The following C21orf58 variants were observed in gnomAD, a reference collection of about 807,000 sequenced individuals.
C21orf58 encodes chromosome 21 open reading frame 58.
In C21orf58, 34 loss-of-function variants were observed where a neutral mutation model predicts 35.8. The observed-to-expected ratio is 0.95, with a 90% confidence interval of 0.72 to 1.26. C21orf58 has a LOEUF of 1.26. C21orf58 is among the 50% of genes most tolerant of loss of function. The pLI is 0.00. For missense variants in C21orf58, 440 were observed against 414.3 expected (o/e 1.06, Z -0.54); for synonymous variants, 191 against 175.8 (o/e 1.09, Z -0.68).
chr21:46,312,508 G>A (rs112739588), intron 5 of C21orf58, among the ~76,000 whole-genome samples: 8,013 of 151,906 alleles, frequency 0.053, 269 homozygotes, highest in Non-Finnish European at 0.067. Context: ...TAGTATAGAC[G>A]GGGTTTCACC....
intron 6 of C21orf58, among the ~76,000 whole-genome samples, chr21:46,305,810 C>A (rs548175985): frequency 1.3e-5 from 2 of 151,848 alleles, no homozygotes; most frequent in Non-Finnish European, 2.9e-5. Flanking sequence ...GGCCTGGTGG[C>A]GGGCACATGT....
intron 1 of C21orf58, chr21:46,318,956 C>G (rs1481208393): frequency 1.4e-5 from 9 of 664,710 alleles, no homozygotes; most frequent in African/African-American, 2.0e-5. Context: ...CAGCAGGGGC[C>G]CAGACCTGTG....
chr21:46,304,843 T>C (rs899361307), intron 6 of C21orf58, among the ~76,000 whole-genome samples: 1 of 152,150 alleles, frequency 6.6e-6, no homozygotes, highest in Admixed American at 6.5e-5. Flanking sequence ...GATAGATAAA[T>C]GGAGGCAGAA....
downstream of C21orf58, chr21:46,300,645 A>G (rs1007308349): frequency 6.4e-6 from 8 of 1,243,912 alleles, no homozygotes; most frequent in Non-Finnish European, 8.3e-6. Context: ...CTGCCCGTCC[A>G]TGTCAGCACC....
rs2082937257 is a variant in C21orf58 at position 46,315,463 on chromosome 21, G to A, written c.444+11C>T. 6.4e-7 allele frequency: 1 copy of A among 1,560,964 alleles called. No homozygotes were observed. The highest frequency in any genetic ancestry group is 8.8e-7 in the Non-Finnish European group (1 of 1,131,812). ...GCTCAGCCAGGTTCGCTCAGAGGGT[G>A]CAGGGCCTACCCGGAGTCTCTGCAG... On this transcript the variant is annotated intron_variant, in intron 4 of 7. Coordinates refer to ENST00000291691, the MANE Select transcript of C21orf58 (RefSeq NM_058180.5).
At position 46,301,795 on chromosome 21, in the gene C21orf58, AG is replaced by A. The variant is rs2082116060; in HGVS notation, c.*203del. On this transcript the variant is annotated 3_prime_UTR_variant, in exon 8 of 8. Transcript: ENST00000291691. ...CCCTCACTGCAGGGGACCCGGAGCA[AG>A]GGATGCCCCCTGGAATGGCCCCGTG... 8.0e-7 allele frequency: 1 copy of A among 1,242,628 alleles called. No individual in the cohort carries two copies. Among genetic ancestry groups the A allele is most frequent in the African/African-American group, 1.6e-5 (1 of 64,378 alleles). 77.0% of individuals were successfully genotyped at this position (1,242,628 alleles called of 1,614,324 possible). A position where few individuals can be genotyped will look rare whatever the true frequency, so the allele number is the denominator to read the frequency against.
rs995569496 is a variant in C21orf58 at position 46,314,756 on chromosome 21, G to A, written c.569C>T (p.Ser190Phe). The A allele has an allele frequency of 6.6e-7, 1 of 1,508,240 alleles. No individual in the cohort carries two copies. The highest frequency in any genetic ancestry group is 8.9e-7 in the Non-Finnish European group (1 of 1,120,982). The allele number at this position is 1,508,240 out of a possible 1,614,324, so 93.4% of individuals were successfully genotyped here. Residue 190 changes from serine (S) to phenylalanine (F), a missense_variant, in exon 5 of 8, where the codon TCC becomes TTC. Transcript: ENST00000291691. ...CCTTGGCGGGTCTGGGGCCAGCGGG[G>A]ATGGGGAGGCAGTGGGTAGGATGCC... is the stretch of plus-strand genomic sequence containing the variant. ...PTGILPTASP[S>F]PLAPDPPRII... is the part of the protein sequence containing the mutation.
At chr21:46,305,327 C>CTTTTTT (rs35138310) in intron 6 of C21orf58, among the ~76,000 whole-genome samples, 1 of 109,188 alleles carries the variant, frequency 9.2e-6, no homozygotes, top group Non-Finnish European at 1.9e-5. Context: ...ACAAATTAAT[C>CTTTTTT]TTTTTTTTTT....
At chr21:46,318,530 G>C in intron 1 of C21orf58, 1 of 1,271,918 alleles carries the variant, frequency 7.9e-7, no homozygotes. Context: ...CAGTCCAGAA[G>C]AACCTGTGTG....
At chr21:46,320,115 T>C (rs2083106358) in intron 1 of C21orf58, among the ~76,000 whole-genome samples, 1 of 151,856 alleles carries the variant, frequency 6.6e-6, no homozygotes, top group South Asian at 2.1e-4. Flanking sequence ...ATGTATTTTT[T>C]TTTGAGATGG....
chr21:46,317,100 G>T, intron 3 of C21orf58, 108 bp downstream of exon 3: 1 of 880,218 alleles, frequency 1.1e-6, no homozygotes, highest in Non-Finnish European at 1.8e-6. Context: ...CAGGAGTGGG[G>T]GTGATTCCCA....
chr21:46,315,643 C>A, intron 3 of C21orf58, 96 bp from the exon 4 acceptor site: 1 of 791,498 alleles, frequency 1.3e-6, no homozygotes, highest in East Asian at 2.6e-5. Context: ...TCGGAAGGCC[C>A]TGCCTCACCC....
intron 6 of C21orf58, among the ~76,000 whole-genome samples, chr21:46,308,830 A>C (rs2082541559): frequency 6.6e-6 from 1 of 152,116 alleles, no homozygotes; most frequent in African/African-American, 2.4e-5. Context: ...TTATCATGGG[A>C]GGAGAAATGG....
At chr21:46,312,995 C>T in intron 5 of C21orf58, 1 of 985,394 alleles carries the variant, frequency 1.0e-6, no homozygotes, top group East Asian at 1.1e-4. Flanking sequence ...CTGTTTTATC[C>T]TCTTCTAGCT....
At position 46,322,724 on chromosome 21, in the gene C21orf58, C is replaced by T. The variant is rs374624768; in HGVS notation, c.15G>A (p.Arg5=). 11 of 1,543,982 alleles carry T rather than the reference C, an allele frequency of 7.1e-6. No homozygotes were observed. In the African/African-American group the frequency reaches 8.3e-5, roughly 12 times the overall value. ...GCTTCCTGAGGGAGGTTGCAGGGAG[C>T]CGAGATCGCGCCATTGCGCTATAGC... is the stretch of plus-strand genomic sequence containing the variant. MARS[R]LPATSLRKPW... Residue 5 remains arginine (R), a synonymous_variant, in exon 1 of 8, where the codon CGG becomes CGA. Coordinates refer to ENST00000291691, the MANE Select transcript of C21orf58 (RefSeq NM_058180.5).
rs929366971 is a variant in C21orf58, at chr21:46,323,467, C to A, written c.-729G>T. On this transcript the variant is annotated 5_prime_UTR_variant, in exon 1 of 8. Transcript: ENST00000291691. ...CGGGCTCGGTCGGGAAAGGCGGGAG[C>A]TCCAAGCGGCGGGGCCTGCAGGTCC... 6.6e-6 allele frequency: 1 copy of A among 152,390 alleles called. No individual in the cohort carries two copies. The highest frequency in any genetic ancestry group is 2.4e-5 in the African/African-American group (1 of 41,442). 9.4% of individuals were successfully genotyped at this position (152,390 alleles called of 1,614,324 possible). A position where few individuals can be genotyped will look rare whatever the true frequency, so the allele number is the denominator to read the frequency against.
intron 1 of C21orf58, among the ~76,000 whole-genome samples, chr21:46,321,165 T>C (rs928559138): frequency 7.2e-6 from 1 of 138,882 alleles, no homozygotes; most frequent in African/African-American, 2.5e-5. Context: ...CTACATATGT[T>C]ATATATATAT....
chr21:46,305,755 C>T (rs551974171), intron 6 of C21orf58, among the ~76,000 whole-genome samples: 6 of 151,252 alleles, frequency 4.0e-5, no homozygotes, highest in African/African-American at 7.3e-5. Flanking sequence ...CTGGCTAACA[C>T]GGTGAAACCC....
intron 4 of C21orf58, 153 bp from the exon 5 acceptor site, chr21:46,315,033 TGCATGAGGGTG>T: frequency 6.5e-7 from 1 of 1,529,686 alleles, no homozygotes; most frequent in South Asian, 1.2e-5. Context: ...CAGGGTTATG[TGCATGAGGGTG>T]GCCTCCTGAA....
Sources: allele counts gnomAD v4.1 joint callset (sites outside exome capture counted in the v4.1 genomes callset), GRCh38; gene constraint gnomAD v4.1.1; transcripts MANE v1.5; gene names NCBI Gene and HGNC (gene_info 2026-07-23, HGNC 2026-07-21).